Variants in PLPP4 observed in about 807,000 individuals in gnomAD.
PLPP4 encodes the protein diacylglycerol pyrophosphate like 2.
In PLPP4, 20 loss-of-function variants were observed where a neutral mutation model predicts 32.2. The observed-to-expected ratio is 0.62, with a 90% CI of 0.44 to 0.90. The LOEUF is 0.90. Among genes scored for constraint, PLPP4 ranks in the 40% least tolerant of loss-of-function variants. The probability of loss-of-function intolerance (pLI) is 0.00; values close to 1 mark genes in which losing one functional copy is unlikely to be tolerated. For missense variants in PLPP4, 257 were observed against 353.1 expected (o/e 0.73, Z 2.18); for synonymous variants, 127 against 133.0 (o/e 0.95, Z 0.31).
intron 1 of PLPP4, among the ~76,000 whole-genome samples, chr10:120,483,732 A>G (rs1372641220): frequency 6.6e-6 from 1 of 152,180 alleles, no homozygotes; most frequent in Non-Finnish European, 1.5e-5. Flanking sequence ...TTCTCACTCT[A>G]TTAATTCCCA....
chr10:120,535,167 A>G (rs1846957124), intron 5 of PLPP4, among the ~76,000 whole-genome samples: 1 of 152,034 alleles, frequency 6.6e-6, no homozygotes, highest in Non-Finnish European at 1.5e-5. Flanking sequence ...ACAATATGAG[A>G]CCTGTGGTGG....
chr10:120,532,498 T>G (rs1846787529), intron 5 of PLPP4, among the ~76,000 whole-genome samples: 1 of 152,184 alleles, frequency 6.6e-6, no homozygotes, highest in South Asian at 2.1e-4. Flanking sequence ...TTAAAATGGT[T>G]TATGGTATAT....
At chr10:120,553,960 A>G (rs1848030216) in intron 5 of PLPP4, among the ~76,000 whole-genome samples, 1 of 152,214 alleles carries the variant, frequency 6.6e-6, no homozygotes, top group Non-Finnish European at 1.5e-5. Flanking sequence ...GGCTATTAAC[A>G]TTCAGCTCCC....
intron 1 of PLPP4, 146 bp downstream of exon 1, chr10:120,457,507 T>C (rs1847842593): frequency 1.6e-6 from 1 of 629,980 alleles, no homozygotes; most frequent in South Asian, 2.4e-5. Context: ...CCGCAACGTG[T>C]CCTACGGGAC....
At chr10:120,502,054 C>A (rs1398404874) in intron 1 of PLPP4, among the ~76,000 whole-genome samples, 1 of 152,140 alleles carries the variant, frequency 6.6e-6, no homozygotes, top group Non-Finnish European at 1.5e-5. Flanking sequence ...TTTTGGAGGG[C>A]TGATAGCAGA....
chr10:120,557,940 G>T (rs1207907079), intron 5 of PLPP4, among the ~76,000 whole-genome samples: 1 of 151,918 alleles, frequency 6.6e-6, no homozygotes, highest in Non-Finnish European at 1.5e-5. Context: ...GTTTAACAGG[G>T]ATAATTGGTT....
intron 1 of PLPP4, among the ~76,000 whole-genome samples, chr10:120,493,864 G>A (rs535486752): frequency 3.0e-4 from 45 of 152,236 alleles, no homozygotes; most frequent in African/African-American, 1.1e-3. Context: ...TACACTGCAC[G>A]CCATGCAGGG....
chr10:120,582,246 C>G (rs1045670784), intron 6 of PLPP4, among the ~76,000 whole-genome samples: 2 of 152,208 alleles, frequency 1.3e-5, no homozygotes, highest in African/African-American at 2.4e-5. Flanking sequence ...AAGCCACCCT[C>G]TCTCTGAAAT....
intron 5 of PLPP4, among the ~76,000 whole-genome samples, chr10:120,566,830 C>T (rs1302027870): frequency 6.6e-6 from 1 of 152,220 alleles, no homozygotes; most frequent in African/African-American, 2.4e-5. Flanking sequence ...GCTGGGATTA[C>T]AGGCGTGAGC....
chr10:120,499,422 T>A (rs998197132), intron 1 of PLPP4, among the ~76,000 whole-genome samples: 3 of 150,852 alleles, frequency 2.0e-5, no homozygotes, highest in African/African-American at 7.3e-5. Context: ...TTTTTTTTTT[T>A]AAATGGCAAC....
At chr10:120,520,861 C>A in intron 4 of PLPP4, 110 bp from the exon 5 acceptor site, 1 of 1,367,704 alleles carries the variant, frequency 7.3e-7, no homozygotes, top group Non-Finnish European at 1.0e-6. Flanking sequence ...TGTTGACAGC[C>A]AAGGGGGCTG....
intron 5 of PLPP4, among the ~76,000 whole-genome samples, chr10:120,571,227 T>C (rs1443072891): frequency 6.6e-6 from 1 of 151,864 alleles, no homozygotes; most frequent in Non-Finnish European, 1.5e-5. Flanking sequence ...TCAGGAGTTT[T>C]CTACTTATAT....
In PLPP4 at chr10:120,526,507, C is replaced by T. The variant is rs144548743; in HGVS notation, c.445+5412C>T. On this transcript the variant is annotated intron_variant, in intron 5 of 6. Transcript: ENST00000398250. ...AGGCTGTTTGATTCCCTAGAGGAGG[C>T]TCTTCATACTCCTGCCTGGTGTATG... is the stretch of plus-strand genomic sequence containing the variant. 5.1e-3 allele frequency among the ~76,000 whole-genome samples: 777 copies of T among 152,254 alleles called. 10 individuals are homozygous for T. The highest frequency in any genetic ancestry group is 0.018 in the African/African-American group (740 of 41,548).
rs769617780 is a variant in PLPP4 at position 120,589,325 on chromosome 10, C to T, written c.639C>T (p.Ile213=). The T allele has an allele frequency of 6.2e-6, 10 of 1,614,034 alleles. No individual in the cohort carries two copies. The highest frequency in any genetic ancestry group is 1.7e-5 in the Admixed American group (1 of 60,006). Residue 213 remains isoleucine (I), a synonymous_variant, in exon 7 of 7, where the codon ATC becomes ATT. Transcript: ENST00000398250. ...HWQDSFVGGV[I]GLIFAYICYR... ...TAGATTCCTTTGTGGGTGGAGTCAT[C>T]GGCCTCATTTTTGCATACATTTGCT...
At chr10:120,555,124 G>A (rs977593246) in intron 5 of PLPP4, among the ~76,000 whole-genome samples, 2 of 152,006 alleles carry the variant, frequency 1.3e-5, no homozygotes, top group Non-Finnish European at 2.9e-5. Context: ...GAAAATACAG[G>A]TAAAGGAGAA....
chr10:120,546,924 G>A (rs1281830543), intron 5 of PLPP4, among the ~76,000 whole-genome samples: 3 of 152,154 alleles, frequency 2.0e-5, no homozygotes, highest in Non-Finnish European at 4.4e-5. Context: ...ACAGTTCTAT[G>A]ATTGTTTTCA....
chr10:120,516,858 G>T (rs1331865181), intron 3 of PLPP4, among the ~76,000 whole-genome samples: 1 of 152,148 alleles, frequency 6.6e-6, no homozygotes, highest in Non-Finnish European at 1.5e-5. Context: ...ATCCCCGGAG[G>T]GTTGTGCTAT....
chr10:120,578,630 T>C (rs1285964395), intron 6 of PLPP4, among the ~76,000 whole-genome samples: 1 of 152,258 alleles, frequency 6.6e-6, no homozygotes, highest in Admixed American at 6.5e-5. Context: ...TTTCTGCTAT[T>C]GACACTCCCT....
At chr10:120,480,995 C>A (rs557860426) in intron 1 of PLPP4, among the ~76,000 whole-genome samples, 2 of 152,364 alleles carry the variant, frequency 1.3e-5, no homozygotes, top group East Asian at 3.9e-4. Context: ...CAGTGTCTGT[C>A]TGATTGTACA....
Sources: gnomAD v4.1 joint callset for allele counts (sites outside exome capture counted in the v4.1 genomes callset) on GRCh38, gnomAD v4.1.1 for gene constraint, MANE v1.5 for transcripts, NCBI Gene and HGNC (gene_info 2026-07-23, HGNC 2026-07-21) for gene names.